Variants in LAMA1 observed in about 807,000 individuals in gnomAD.
LAMA1 encodes laminin subunit alpha 1.
LAMA1 carries 219 observed loss-of-function variants against 348.7 expected under a neutral mutation model. The observed-to-expected ratio is 0.63, with a 90% CI of 0.56 to 0.70. The LOEUF (loss-of-function observed/expected upper bound fraction) is 0.70, where lower values mean the gene tolerates loss of function less well. LAMA1 is among the 30% of genes least tolerant of loss of function. The pLI is 0.00. For missense variants in LAMA1, 3,744 were observed against 3,888.0 expected, an observed-to-expected ratio of 0.96 and a Z score of 0.99; for synonymous variants, 1,487 against 1,491.0, an observed-to-expected ratio of 1.00 and a Z score of 0.06.
At chr18:6,942,301 CA>C in intron 62 of LAMA1, 62 bp from the exon 63 acceptor site, 3 of 1,546,924 alleles carry the variant, frequency 1.9e-6, no homozygotes, top group Non-Finnish European at 1.8e-6. Flanking sequence ...ATCCATAGCA[CA>C]AAAGCAACAG....
intron 1 of LAMA1, among the ~76,000 whole-genome samples, chr18:7,081,954 G>A (rs774423248): frequency 1.9e-4 from 29 of 152,010 alleles, no homozygotes; most frequent in Non-Finnish European, 3.8e-4. Flanking sequence ...GGAATTCATG[G>A]CTTCCACTGT....
rs28687669 is a variant in LAMA1, at chr18:7,026,032, C to A, written c.2349G>T (p.Gly783=). Residue 783 remains glycine, a synonymous_variant, in exon 17 of 63, where the codon GGG becomes GGT. Transcript: ENST00000389658. Reference sequence around the variant, plus strand: ...CGCAGGGCTGGCAGTCCCCAGGTGTCCCTCGGGAAGGCTCCCCGTAGAAGC... The same window carrying A: ...CGCAGGGCTGGCAGTCCCCAGGTGTACCTCGGGAAGGCTCCCCGTAGAAGC... ...LPGFYGEPSR[G]TPGDCQPCAC... is the part of the protein sequence containing the mutation. 2.3e-3 allele frequency: 3,756 copies of A among 1,609,850 alleles called. 69 individuals carry two copies. The African/African-American group carries it at 0.04, about 17-fold the overall frequency.
chr18:7,111,960 C>T lies in LAMA1; in HGVS notation c.61+5700G>A, dbSNP rs1016763782. Among the ~76,000 whole-genome samples, 12 of 152,100 alleles carry T rather than the reference C, an allele frequency of 7.9e-5. 1 individual carries two copies. The highest frequency in any genetic ancestry group is 7.9e-4 in the Admixed American group (12 of 15,272). On this transcript the variant is annotated intron_variant, in intron 1 of 62. Transcript: ENST00000389658. ...TATTTTCTGTACCTGCCATAGTGTT[C>T]CAGTAATAAGTCATACTTATTGGTC...
At chr18:6,992,138 T>C (rs1330239346) in intron 36 of LAMA1, among the ~76,000 whole-genome samples, 1 of 152,214 alleles carries the variant, frequency 6.6e-6, no homozygotes. Context: ...GTAACTATAC[T>C]TTTTTATATA....
intron 3 of LAMA1, among the ~76,000 whole-genome samples, chr18:7,072,201 G>A (rs1231808099): frequency 1.3e-5 from 2 of 152,138 alleles, no homozygotes; most frequent in East Asian, 3.9e-4. Context: ...TTAGCTAACT[G>A]TAATTAGATT....
At chr18:7,100,827 T>C (rs1425881899) in intron 1 of LAMA1, among the ~76,000 whole-genome samples, 1 of 152,070 alleles carries the variant, frequency 6.6e-6, no homozygotes, top group Non-Finnish European at 1.5e-5. Flanking sequence ...CTGGCCAATG[T>C]AGTGAAACCC....
Position 7,011,588 on chromosome 18 carries a change from A to C in LAMA1, c.3508-109T>G. 4 of 1,062,896 alleles carry C rather than the reference A, an allele frequency of 3.8e-6. No individual in the cohort carries two copies. The South Asian group carries it at 5.4e-5, about 14-fold the overall frequency. The allele number at this position is 1,062,896 out of a possible 1,614,324, so 65.8% of individuals were successfully genotyped here. A position where few individuals can be genotyped will look rare whatever the true frequency, so the allele number is the denominator to read the frequency against. On this transcript the variant is annotated intron_variant, in intron 24 of 62. Coordinates refer to ENST00000389658, the MANE Select transcript of LAMA1 (RefSeq NM_005559.4). ...CACAGATGAAACAGCTTCATTATTA[A>C]AACAGAAACAGTAAAGACTTTTCCT...
chr18:6,966,686 G>C (rs1048582248), intron 48 of LAMA1, among the ~76,000 whole-genome samples: 14 of 152,068 alleles, frequency 9.2e-5, no homozygotes, highest in Non-Finnish European at 2.9e-5. Context: ...TGCTGATGAG[G>C]TTTTATCTAA....
intron 4 of LAMA1, among the ~76,000 whole-genome samples, chr18:7,049,824 GT>G (rs2058055729): frequency 6.6e-6 from 1 of 152,134 alleles, no homozygotes; most frequent in African/African-American, 2.4e-5. Context: ...AAATCTGTAT[GT>G]TTTCCTGAAT....
chr18:7,001,583 C>T (rs1568025622), intron 30 of LAMA1, among the ~76,000 whole-genome samples: 1 of 152,064 alleles, frequency 6.6e-6, no homozygotes, highest in Non-Finnish European at 1.5e-5. Context: ...AAGATTCAGA[C>T]AAATATTAAA....
chr18:7,024,596 G>A (rs991791195), intron 17 of LAMA1, 130 bp from the exon 18 acceptor site: 36 of 760,282 alleles, frequency 4.7e-5, no homozygotes, highest in Non-Finnish European at 6.8e-5. Flanking sequence ...CTCAGAATCC[G>A]GGGCCTCTGG....
rs58802341 is a variant in LAMA1, at chr18:7,108,640, C to CAAAAAAAAA, written c.61+9011_61+9019dup. Among the ~76,000 whole-genome samples the CAAAAAAAAA allele has an allele frequency of 2.9e-3, 118 of 40,238 alleles. 16 individuals are homozygous for CAAAAAAAAA. Among genetic ancestry groups the CAAAAAAAAA allele is most frequent in the Admixed American group, 4.6e-3 (11 of 2,406 alleles). The allele number at this position is 40,238 out of a possible 152,430, so 26.4% of individuals were successfully genotyped here. Reference sequence around the variant, plus strand: ...CACTGCACTGAGACAGACTCTGTCTCAAAAAAAAAAAAAAAAAAAAAAAAA... The same window carrying CAAAAAAAAA: ...CACTGCACTGAGACAGACTCTGTCTCAAAAAAAAAAAAAAAAAAAAAAAAAAAAAAAAAA... On this transcript the variant is annotated intron_variant, in intron 1 of 62. Coordinates refer to ENST00000389658, the MANE Select transcript of LAMA1 (RefSeq NM_005559.4).
intron 46 of LAMA1, among the ~76,000 whole-genome samples, chr18:6,973,716 T>A (rs1458915675): frequency 2.0e-5 from 3 of 152,190 alleles, no homozygotes; most frequent in African/African-American, 7.2e-5. Context: ...ACCTTACACC[T>A]CTCTCCTGAG....
In LAMA1 at chr18:7,044,845, C is replaced by T. The variant is rs1200507616; in HGVS notation, c.859-6G>A. 4 of 1,603,396 alleles carry T rather than the reference C, an allele frequency of 2.5e-6. No homozygotes were observed. The highest frequency in any genetic ancestry group is 3.4e-6 in the Non-Finnish European group (4 of 1,170,258). On this transcript the variant is annotated splice_region_variant and splice_polypyrimidine_tract_variant and intron_variant, in intron 6 of 62. Coordinates refer to ENST00000389658, the MANE Select transcript of LAMA1 (RefSeq NM_005559.4). ...TCACATTGACACTGCAGTTTCTACA[C>T]AATAAGGAAGCCAAAACTGAATTAG...
chr18:7,014,567 AGCTTTGAGGATACAGT>A (rs919613090), intron 22 of LAMA1, among the ~76,000 whole-genome samples: 1 of 39,446 alleles, frequency 2.5e-5, no homozygotes, highest in African/African-American at 7.7e-5. Context: ...GGATACAGTG[AGCTTTGAGGATACAGT>A]GAGCTTTGAT....
intron 22 of LAMA1, among the ~76,000 whole-genome samples, chr18:7,015,069 C>T (rs1460153612): frequency 1.3e-5 from 2 of 152,108 alleles, no homozygotes; most frequent in Non-Finnish European, 2.9e-5. Context: ...AGGATGGTCT[C>T]AATCTCCTGA....
intron 8 of LAMA1, chr18:7,042,987 C>G: frequency 1.8e-6 from 1 of 540,696 alleles, no homozygotes; most frequent in Non-Finnish European, 3.3e-6. Context: ...AGTATTATGA[C>G]CCAGGATTAC....
Position 7,016,621 on chromosome 18 carries a change from G to A in LAMA1, c.2859C>T (p.Cys953=), listed in dbSNP as rs2057889422. ...DSGHGCRPCN[C]SVAGSVSDGC... ...CATCTGACACGGAGCCTGCCACGCT[G>A]CAGTTGCAGGGCCGGCAGCCATGGC... The change falls in exon 21 of 63, where the codon TGC becomes TGT. Residue 953 remains cysteine, a synonymous_variant. Transcript: ENST00000389658. 6.2e-7 allele frequency: 1 copy of A among 1,613,996 alleles called. No homozygotes were observed. The highest frequency in any genetic ancestry group is 8.5e-7 in the Non-Finnish European group (1 of 1,180,032).
intron 48 of LAMA1, among the ~76,000 whole-genome samples, chr18:6,968,540 G>T (rs1455692718): frequency 6.6e-6 from 1 of 152,194 alleles, no homozygotes; most frequent in Non-Finnish European, 1.5e-5. Context: ...GGCCCGGAAC[G>T]CAGGTGACTG....
Sources: allele counts gnomAD v4.1 joint callset (sites outside exome capture counted in the v4.1 genomes callset), GRCh38; gene constraint gnomAD v4.1.1; transcripts MANE v1.5; gene names NCBI Gene and HGNC (gene_info 2026-07-23, HGNC 2026-07-21).